PRKCA: variants seen among roughly 807,000 people sequenced by gnomAD.
PRKCA encodes the protein protein kinase C alpha type.
PRKCA carries 27 observed loss-of-function variants against 87.0 expected under a neutral mutation model. The observed-to-expected ratio is 0.31, with a 90% CI of 0.23 to 0.43. The LOEUF is 0.43. Ranked by LOEUF, PRKCA falls within the 20% of genes least tolerant of loss-of-function variation. PRKCA has a pLI of 1.00. For missense variants in PRKCA, 518 were observed against 852.3 expected (o/e 0.61, Z 4.88); for synonymous variants, 329 against 311.1 (o/e 1.06, Z -0.61).
intron 3 of PRKCA, among the ~76,000 whole-genome samples, chr17:66,632,752 A>G (rs1971056650): frequency 1.3e-5 from 2 of 152,196 alleles, no homozygotes; most frequent in South Asian, 4.1e-4. Context: ...GATCTAGCTC[A>G]TTTGATTTAA....
At chr17:66,371,401 C>G (rs1242357404) in intron 2 of PRKCA, among the ~76,000 whole-genome samples, 1 of 152,164 alleles carries the variant, frequency 6.6e-6, no homozygotes, top group African/African-American at 2.4e-5. Flanking sequence ...AAGACTCATT[C>G]AAAATGATCT....
intron 8 of PRKCA, among the ~76,000 whole-genome samples, chr17:66,705,541 C>G (rs1395095283): frequency 8.5e-5 from 13 of 152,206 alleles, no homozygotes. Context: ...ATTCCTGAAA[C>G]AGCATAAAAG....
At chr17:66,663,220 C>T (rs1971954888) in intron 5 of PRKCA, among the ~76,000 whole-genome samples, 1 of 152,216 alleles carries the variant, frequency 6.6e-6, no homozygotes, top group Non-Finnish European at 1.5e-5. Flanking sequence ...GCGCCTTGTC[C>T]CTCAGATAAA....
At chr17:66,329,200 T>C (rs1906175473) in intron 2 of PRKCA, among the ~76,000 whole-genome samples, 1 of 152,068 alleles carries the variant, frequency 6.6e-6, no homozygotes, top group African/African-American at 2.4e-5. Flanking sequence ...CAGCTGGACA[T>C]GATTTGGAGG....
intron 5 of PRKCA, among the ~76,000 whole-genome samples, chr17:66,664,324 G>A (rs1971984833): frequency 6.6e-6 from 1 of 152,168 alleles, no homozygotes; most frequent in Non-Finnish European, 1.5e-5. Flanking sequence ...GGCCTGGGCT[G>A]CCCTGCCTGC....
At chr17:66,603,396 T>G (rs1970113437) in intron 3 of PRKCA, among the ~76,000 whole-genome samples, 4 of 152,176 alleles carry the variant, frequency 2.6e-5, no homozygotes, top group Non-Finnish European at 5.9e-5. Flanking sequence ...CATTTGTGTT[T>G]CTTTTGGTTG....
chr17:66,330,079 C>T (rs1906232984), intron 2 of PRKCA, among the ~76,000 whole-genome samples: 1 of 150,542 alleles, frequency 6.6e-6, no homozygotes, highest in Admixed American at 6.7e-5. Flanking sequence ...ATGGAAACAA[C>T]TGGGAAGATA....
chr17:66,516,229 T>G (rs760275079), intron 3 of PRKCA, among the ~76,000 whole-genome samples: 16 of 151,942 alleles, frequency 1.1e-4, no homozygotes, highest in Non-Finnish European at 1.9e-4. Context: ...GCTGCGGGTA[T>G]TAAAGGAGGG....
intron 2 of PRKCA, among the ~76,000 whole-genome samples, chr17:66,442,822 C>G (rs544237468): frequency 6.6e-6 from 1 of 152,208 alleles, no homozygotes; most frequent in Non-Finnish European, 1.5e-5. Flanking sequence ...CCTTTTCTTA[C>G]ATACATGGAC....
At chr17:66,742,128 T>C (rs1015092169) in intron 12 of PRKCA, among the ~76,000 whole-genome samples, 5 of 152,196 alleles carry the variant, frequency 3.3e-5, no homozygotes, top group African/African-American at 1.2e-4. Flanking sequence ...GTAGCTGTGC[T>C]GAAAGTCTGG....
intron 3 of PRKCA, among the ~76,000 whole-genome samples, chr17:66,535,356 G>A (rs370502879): frequency 2.6e-5 from 4 of 152,286 alleles, no homozygotes; most frequent in African/African-American, 9.6e-5. Context: ...TGTCCATCAG[G>A]TTAGGGGCTC....
chr17:66,662,584 A>C (rs1047450279), intron 5 of PRKCA, among the ~76,000 whole-genome samples: 2 of 152,098 alleles, frequency 1.3e-5, no homozygotes, highest in African/African-American at 4.8e-5. Flanking sequence ...GTGGTAGTCT[A>C]AGGTGTTGAC....
At chr17:66,539,594 T>C (rs1041710981) in intron 3 of PRKCA, among the ~76,000 whole-genome samples, 4 of 151,990 alleles carry the variant, frequency 2.6e-5, no homozygotes, top group Admixed American at 1.3e-4. Flanking sequence ...TTAGTAGAGA[T>C]GGGGTTTCAC....
chr17:66,634,250 T>C (rs2143763142), intron 3 of PRKCA, among the ~76,000 whole-genome samples: 1 of 152,366 alleles, frequency 6.6e-6, no homozygotes, highest in Non-Finnish European at 1.5e-5. Flanking sequence ...AGGTTAGACT[T>C]TATTCATGCC....
intron 2 of PRKCA, chr17:66,339,747 T>A (rs1345201951): frequency 6.6e-6 from 1 of 152,212 alleles, no homozygotes; most frequent in East Asian, 1.9e-4. Context: ...AGAAGCTGTT[T>A]CCTTTTGCTG....
chr17:66,302,947 C>G lies in PRKCA; in HGVS notation c.96C>G (p.His32Gln), dbSNP rs749195097. 3 of 1,612,716 alleles carry G rather than the reference C, an allele frequency of 1.9e-6. No homozygotes were observed. Among genetic ancestry groups the G allele is most frequent in the Admixed American group, 1.7e-5 (1 of 59,890 alleles). The change falls in exon 1 of 17, where the codon CAC (histidine) becomes CAG (glutamine). Residue 32 changes from histidine (H) to glutamine (Q), a missense_variant. Physicochemically the swap from His to Gln is conservative, Grantham distance 24. This residue lies in a region of PRKCA where 25 missense variants were observed against 72.1 expected (regional missense o/e 0.35). Coordinates refer to ENST00000413366, the MANE Select transcript of PRKCA (RefSeq NM_002737.3). ...GGGCGCTGAGGCAGAAGAACGTGCA[C>G]GAGGTGAAGGACCACAAATTCATCG... is the stretch of plus-strand genomic sequence containing the variant. The part of the protein sequence containing the change: ...RKGALRQKNV[H>Q]EVKDHKFIAR...
chr17:66,323,481 C>G (rs1465917366), intron 2 of PRKCA, among the ~76,000 whole-genome samples: 2 of 152,172 alleles, frequency 1.3e-5, no homozygotes, highest in African/African-American at 4.8e-5. Context: ...ATCTAAAATG[C>G]AACACTGAGA....
At chr17:66,355,942 G>T (rs533302683) in intron 2 of PRKCA, among the ~76,000 whole-genome samples, 1 of 151,998 alleles carries the variant, frequency 6.6e-6, no homozygotes, top group East Asian at 1.9e-4. Flanking sequence ...CTTGTCGCCC[G>T]GGCTGGAGTG....
At chr17:66,681,324 A>T (rs1567973134) in intron 5 of PRKCA, among the ~76,000 whole-genome samples, 1 of 151,358 alleles carries the variant, frequency 6.6e-6, no homozygotes, top group Non-Finnish European at 1.5e-5. Flanking sequence ...GCATTGAGTT[A>T]TTTTTTTTTA....
Sources: allele counts gnomAD v4.1 joint callset (sites outside exome capture counted in the v4.1 genomes callset), GRCh38; gene constraint gnomAD v4.1.1; regional missense constraint gnomAD v4.1.1; transcripts MANE v1.5; gene names NCBI Gene and HGNC (gene_info 2026-07-23, HGNC 2026-07-21).